The following ADAM29 variants were observed in gnomAD, a reference collection of about 807,000 sequenced individuals.
The protein encoded by ADAM29 is disintegrin and metalloproteinase domain-containing protein 29.
For synonymous variants in ADAM29, 367 were observed against 342.3 expected (o/e 1.07, Z -0.80); for missense variants, 969 against 1,001.8 (o/e 0.97, Z 0.44).
chr4:174,946,731 GT>G (rs1295785729), intron 4 of ADAM29, among the ~76,000 whole-genome samples: 1 of 152,106 alleles, frequency 6.6e-6, no homozygotes, highest in African/African-American at 2.4e-5. Flanking sequence ...TATCTTCCAG[GT>G]TTTGGTATCA....
chr4:174,955,559 A>G lies in ADAM29; in HGVS notation c.-181+18546A>G, dbSNP rs575898114. Among the ~76,000 whole-genome samples, 28 of 152,206 alleles carry G rather than the reference A, an allele frequency of 1.8e-4. No individual in the cohort carries two copies. The South Asian group carries it at 3.3e-3, about 18-fold the overall frequency. On this transcript the variant is annotated intron_variant, in intron 4 of 4. Transcript: ENST00000359240. ...TTAAATTATTAGGGGCAATAAAGAC[A>G]AGCAAACATAAAGCTAAACAGAAAA...
intron 2 of ADAM29, chr4:174,924,018 G>GT (rs1480780343): frequency 6.6e-6 from 1 of 152,198 alleles, no homozygotes; most frequent in Non-Finnish European, 1.5e-5. Context: ...GAAGAAGGCA[G>GT]TTGTCTTCAT....
chr4:174,956,057 T>C (rs1745480439), intron 4 of ADAM29, among the ~76,000 whole-genome samples: 1 of 152,064 alleles, frequency 6.6e-6, no homozygotes, highest in Admixed American at 6.5e-5. Flanking sequence ...CATAATAATC[T>C]AGCCTCATGC....
intron 4 of ADAM29, among the ~76,000 whole-genome samples, chr4:174,954,477 T>C (rs4455392): frequency 0.42 from 63,328 of 151,692 alleles, 13,712 homozygotes; most frequent in African/African-American, 0.53. Context: ...TTCAATAGTC[T>C]ATTCCAGCAA....
At chr4:174,950,369 T>G (rs1046279717) in intron 4 of ADAM29, among the ~76,000 whole-genome samples, 45 of 152,318 alleles carry the variant, frequency 3.0e-4, no homozygotes, top group African/African-American at 1.1e-3. Context: ...AAGGTTCCCT[T>G]CAGACCTGGA....
intron 2 of ADAM29, among the ~76,000 whole-genome samples, chr4:174,921,314 A>C (rs1456440788): frequency 6.6e-6 from 1 of 152,196 alleles, no homozygotes; most frequent in Non-Finnish European, 1.5e-5. Flanking sequence ...GCCCCAAGTG[A>C]AGTCTTCTTA....
rs1051260494 is a variant in ADAM29, at chr4:174,976,505, C to T, written c.980C>T (p.Ser327Leu). ...TFMNKTLGTF[S>L]IAVAHHLGHN... is the part of the protein sequence containing the mutation. Reference sequence around the variant, plus strand: ...ATGAACAAAACTTTGGGCACTTTTTCAATTGCAGTGGCTCATCATCTAGGT... The same window carrying T: ...ATGAACAAAACTTTGGGCACTTTTTTAATTGCAGTGGCTCATCATCTAGGT... The change falls in exon 5 of 5, where the codon TCA becomes TTA. Residue 327 changes from serine (S) to leucine (L), a missense_variant. By Grantham distance (145) the Ser-to-Leu change is moderately radical. Transcript: ENST00000359240. 2.5e-6 allele frequency: 4 copies of T among 1,611,012 alleles called. No homozygotes were observed. Among genetic ancestry groups the T allele is most frequent in the Non-Finnish European group, 3.4e-6 (4 of 1,178,698 alleles).
At chr4:174,950,742 G>T (rs1745119408) in intron 4 of ADAM29, among the ~76,000 whole-genome samples, 1 of 152,174 alleles carries the variant, frequency 6.6e-6, no homozygotes, top group Non-Finnish European at 1.5e-5. Context: ...ATCTGATGCT[G>T]AATTGCAATC....
chr4:174,936,441 G>A (rs1744206031), intron 3 of ADAM29, among the ~76,000 whole-genome samples: 1 of 151,752 alleles, frequency 6.6e-6, no homozygotes, highest in Non-Finnish European at 1.5e-5. Context: ...TACTACTTTA[G>A]CAGAATATAC....
rs368770585 is a variant in ADAM29, at chr4:174,975,780, C to G, written c.255C>G (p.Asp85Glu). 1 of 1,614,132 alleles carries G rather than the reference C, an allele frequency of 6.2e-7. No homozygotes were observed. Among genetic ancestry groups the G allele is most frequent in the South Asian group, 1.1e-5 (1 of 91,082 alleles). ...SKHLPVFTYT[D>E]QGAILEDQPF... The stretch of plus-strand genomic sequence containing the variant: ...ACCTCCCTGTGTTCACCTACACAGA[C>G]CAGGGTGCTATCCTTGAGGACCAGC... The change falls in exon 5 of 5, where the codon GAC becomes GAG. Residue 85 changes from aspartate to glutamate, a missense_variant. Asp to Glu is a conservative substitution (Grantham distance 45). Coordinates refer to ENST00000359240, the MANE Select transcript of ADAM29 (RefSeq NM_014269.4).
intron 2 of ADAM29, among the ~76,000 whole-genome samples, chr4:174,928,879 C>T (rs1743681509): frequency 6.6e-6 from 1 of 152,148 alleles, no homozygotes; most frequent in Non-Finnish European, 1.5e-5. Context: ...AAAGACATTC[C>T]TAGTCTGTAA....
At chr4:174,952,978 T>G (rs1045960474) in intron 4 of ADAM29, among the ~76,000 whole-genome samples, 8 of 152,176 alleles carry the variant, frequency 5.3e-5, no homozygotes, top group African/African-American at 1.7e-4. Flanking sequence ...TGAAAATAAC[T>G]GAACAATTTT....
chr4:174,962,327 C>T (rs549705791), intron 4 of ADAM29, among the ~76,000 whole-genome samples: 1 of 151,840 alleles, frequency 6.6e-6, no homozygotes, highest in African/African-American at 2.4e-5. Flanking sequence ...CTGGCTAACA[C>T]GGTGAAACCC....
intron 2 of ADAM29, among the ~76,000 whole-genome samples, chr4:174,921,519 C>A (rs938658764): frequency 1.3e-5 from 2 of 152,140 alleles, no homozygotes; most frequent in Non-Finnish European, 2.9e-5. Context: ...CCCCAACAAC[C>A]AATTTCCAGA....
At chr4:174,927,829 A>G (rs563967032) in intron 2 of ADAM29, among the ~76,000 whole-genome samples, 89 of 152,184 alleles carry the variant, frequency 5.8e-4, no homozygotes, top group African/African-American at 2.1e-3. Context: ...GAGTGCTTCT[A>G]CTGGCCCCTC....
intron 3 of ADAM29, among the ~76,000 whole-genome samples, chr4:174,932,391 C>T (rs1000213806): frequency 6.6e-5 from 10 of 152,092 alleles, no homozygotes; most frequent in Non-Finnish European, 1.3e-4. Context: ...TTTATAACTT[C>T]AAATATTAGG....
chr4:174,932,827 A>C (rs1743975488), intron 3 of ADAM29, among the ~76,000 whole-genome samples: 1 of 152,214 alleles, frequency 6.6e-6, no homozygotes, highest in African/African-American at 2.4e-5. Context: ...TCTCAAAATT[A>C]GCCACAGTAT....
In ADAM29 at chr4:174,918,392, T is replaced by G. The variant is rs1381282594; in HGVS notation, c.-636T>G. 1 of 152,100 alleles carries G rather than the reference T, an allele frequency of 6.6e-6. No individual in the cohort carries two copies. Among genetic ancestry groups the G allele is most frequent in the Non-Finnish European group, 1.5e-5 (1 of 68,028 alleles). 9.4% of individuals were successfully genotyped at this position (152,100 alleles called of 1,614,324 possible). A position where few individuals can be genotyped will look rare whatever the true frequency, so the allele number is the denominator to read the frequency against. ...CATCCACTAACCAAATGGGGTGGTG[T>G]GAGTATCTCCTATAAAATAAAAGCT... On this transcript the variant is annotated 5_prime_UTR_variant, in exon 1 of 5. Transcript: ENST00000359240.
At chr4:174,966,076 T>C (rs912142513) in intron 4 of ADAM29, among the ~76,000 whole-genome samples, 4 of 152,240 alleles carry the variant, frequency 2.6e-5, no homozygotes, top group African/African-American at 9.6e-5. Flanking sequence ...TGTCCTTTCA[T>C]ATACTTTAAA....
Sources: gnomAD v4.1 joint callset for allele counts (sites outside exome capture counted in the v4.1 genomes callset) on GRCh38, gnomAD v4.1.1 for gene constraint, MANE v1.5 for transcripts, NCBI Gene and HGNC (gene_info 2026-07-23, HGNC 2026-07-21) for gene names.